Variants in SLC12A5 observed in about 807,000 individuals in gnomAD.
The protein encoded by SLC12A5 is K-Cl cotransporter 2.
SLC12A5 carries 18 observed loss-of-function variants against 124.0 expected under a neutral mutation model. The observed-to-expected ratio is 0.15, with a 90% CI of 0.10 to 0.22. The LOEUF (loss-of-function observed/expected upper bound fraction) is 0.22, where lower values mean the gene tolerates loss of function less well. Among genes scored for constraint, SLC12A5 ranks in the 10% least tolerant of loss-of-function variants. The pLI is 1.00. For missense variants in SLC12A5, 867 were observed against 1,478.7 expected (o/e 0.59, Z 6.78); for synonymous variants, 589 against 568.0 (o/e 1.04, Z -0.53).
In SLC12A5 at chr20:46,043,302, A is replaced by G. The variant is rs755510484; in HGVS notation, c.1216A>G (p.Ile406Val). The change falls in exon 9 of 26, where the codon ATC becomes GTC. Residue 406 changes from isoleucine to valine, a missense_variant. Physicochemically the swap from Ile to Val is conservative, Grantham distance 29. Transcript: ENST00000243964. ...MTSYFTLLVG[I>V]YFPSVTGIMA... ...CTCCTACTTCACCCTGCTGGTTGGCATCTACTTCCCCTCAGTCACAGGTGA... is the reference window on the plus strand; with the variant it reads ...CTCCTACTTCACCCTGCTGGTTGGCGTCTACTTCCCCTCAGTCACAGGTGA... 3.7e-6 allele frequency: 6 copies of G among 1,613,928 alleles called. No individual in the cohort carries two copies. In the African/African-American group the frequency reaches 4.0e-5, roughly 11 times the overall value.
intron 1 of SLC12A5, chr20:46,022,116 G>T: frequency 2.9e-6 from 1 of 345,448 alleles, no homozygotes; most frequent in Non-Finnish European, 5.0e-6. Context: ...GGCCACGAGG[G>T]AAAGGGGTGG....
At chr20:46,027,475 AC>A (rs936841471), upstream of SLC12A5, among the ~76,000 whole-genome samples, 2 of 151,816 alleles carry the variant, frequency 1.3e-5, no homozygotes, top group African/African-American at 4.8e-5. Flanking sequence ...CCTGTCCTAT[AC>A]CCCGGTCTCC....
In SLC12A5 at chr20:46,035,551, G is replaced by A. The variant is rs1345755078; in HGVS notation, c.279+16G>A. 1.4e-6 allele frequency: 2 copies of A among 1,396,410 alleles called. No individual in the cohort carries two copies. The highest frequency in any genetic ancestry group is 2.0e-6 in the Non-Finnish European group (2 of 1,018,876). 86.5% of individuals were successfully genotyped at this position (1,396,410 alleles called of 1,614,324 possible). On this transcript the variant is annotated intron_variant, in intron 3 of 25. Coordinates refer to ENST00000243964, the MANE Select transcript of SLC12A5 (RefSeq NM_020708.5). ...GCCGGTGCAGGTGAGGACCTCGGGG[G>A]ATGAGAAATGGAAGAAAAGGGACGG...
At chr20:46,022,734 C>G (rs1323272090) in intron 1 of SLC12A5, 1 of 398,254 alleles carries the variant, frequency 2.5e-6, no homozygotes, top group Admixed American at 4.4e-5. Flanking sequence ...CCTCGCGGGC[C>G]CTGTGCAGGG....
chr20:46,056,547 C>T lies in SLC12A5; in HGVS notation c.3093C>T (p.Asp1031=). ...CTGTCTCCTCTGAGGGCATCAAGGA[C>T]TTCTTCAGCATGAAGCCGTACGGGC... ...PSPVSSEGIK[D]FFSMKPEWEN... The change falls in exon 23 of 26, where the codon GAC becomes GAT. Residue 1031 remains aspartate (D), a synonymous_variant. Transcript: ENST00000243964. The surrounding 1 kb of genome is among the most constrained non-coding windows in gnomAD (Gnocchi z 4.3). The T allele has an allele frequency of 1.2e-6, 2 of 1,614,044 alleles. No individual in the cohort carries two copies. Among genetic ancestry groups the T allele is most frequent in the South Asian group, 1.1e-5 (1 of 91,080 alleles).
At chr20:46,043,772 G>T in intron 10 of SLC12A5, 41 bp downstream of exon 10, 1 of 1,613,326 alleles carries the variant, frequency 6.2e-7, no homozygotes, top group South Asian at 1.1e-5. Flanking sequence ...TCGGGGGAGG[G>T]CAAGAGGGAG....
chr20:46,059,359 C>T lies in SLC12A5; in HGVS notation c.*1754C>T, dbSNP rs1231364867. On this transcript the variant is annotated 3_prime_UTR_variant, in exon 26 of 26. Transcript: ENST00000243964. ...GGTAGGTTTGGAGGTCTGCCAGTTA[C>T]ACCAAGTCCCCTCTGAGATTCGATC... is the stretch of plus-strand genomic sequence containing the variant. The T allele has an allele frequency of 1.0e-5, 4 of 386,740 alleles. No individual in the cohort carries two copies. The highest frequency in any genetic ancestry group is 1.8e-5 in the Non-Finnish European group (4 of 219,232). 24.0% of individuals were successfully genotyped at this position (386,740 alleles called of 1,614,324 possible). A position where few individuals can be genotyped will look rare whatever the true frequency, so the allele number is the denominator to read the frequency against.
In SLC12A5 at chr20:46,056,456, C is replaced by T. The variant is rs749426883; in HGVS notation, c.3002C>T (p.Pro1001Leu). ...CCTGAGGGGGAAGGGGAGACAGATC[C>T]GGAGAAGGTGCATCTCACCTGGACC... is the stretch of plus-strand genomic sequence containing the variant. Reference protein sequence around the residue: ...EEPEGEGETDPEKVHLTWTKD... With the variant: ...EEPEGEGETDLEKVHLTWTKD... Residue 1001 changes from proline to leucine, a missense_variant, in exon 23 of 26, where the codon CCG becomes CTG. Coordinates refer to ENST00000243964, the MANE Select transcript of SLC12A5 (RefSeq NM_020708.5). The surrounding 1 kb of genome is among the most constrained non-coding windows in gnomAD (Gnocchi z 4.3). 1.9e-6 allele frequency: 3 copies of T among 1,614,110 alleles called. No individual in the cohort carries two copies. Among genetic ancestry groups the T allele is most frequent in the African/African-American group, 1.3e-5 (1 of 75,032 alleles).
At position 46,037,715 on chromosome 20, in the gene SLC12A5, A is replaced by C. The variant is rs558472236; in HGVS notation, c.612+330A>C. Among the ~76,000 whole-genome samples the C allele has an allele frequency of 7.9e-5, 12 of 152,362 alleles. No individual in the cohort carries two copies. In the South Asian group the frequency reaches 2.5e-3, roughly 32 times the overall value. ...TACAAATGAGAAGCTCAGAGAGGTG[A>C]GATAACTTCCTCAAGGTCACTCAGC... On this transcript the variant is annotated intron_variant, in intron 6 of 25. Transcript: ENST00000243964.
Position 46,043,328 on chromosome 20 carries a change from A to C in SLC12A5, c.1237+5A>C. ...TCTACTTCCCCTCAGTCACAGGTGA[A>C]GGGGAGCTCAGAGAGGGAAGACTCT... On this transcript the variant is annotated splice_donor_5th_base_variant and intron_variant, in intron 9 of 25. Coordinates refer to ENST00000243964, the MANE Select transcript of SLC12A5 (RefSeq NM_020708.5). 1 of 1,613,208 alleles carries C rather than the reference A, an allele frequency of 6.2e-7. No homozygotes were observed. The highest frequency in any genetic ancestry group is 1.3e-5 in the African/African-American group (1 of 75,016).
Position 46,056,824 on chromosome 20 carries a change from C to A in SLC12A5, c.3111-73C>A. 1 of 1,509,984 alleles carries A rather than the reference C, an allele frequency of 6.6e-7. No individual in the cohort carries two copies. Among genetic ancestry groups the A allele is most frequent in the Non-Finnish European group, 9.2e-7 (1 of 1,087,654 alleles). 93.5% of individuals were successfully genotyped at this position (1,509,984 alleles called of 1,614,324 possible). On this transcript the variant is annotated intron_variant, in intron 23 of 25. Transcript: ENST00000243964. This position sits in a 1 kb window ranked among gnomAD's most constrained non-coding sequence, Gnocchi z 4.3. ...TCAGGGCAGATGACCATGGCCCAAG[C>A]CCCCAGTGTCTTCCTCTTTTTCTGA... is the stretch of plus-strand genomic sequence containing the variant.
chr20:46,029,545 T>A (rs1437615462), intron 1 of SLC12A5, 149 bp downstream of exon 1: 1 of 853,170 alleles, frequency 1.2e-6, no homozygotes, highest in Non-Finnish European at 1.8e-6. Context: ...GGAGCTCAGC[T>A]CCATTGGAAT....
intron 1 of SLC12A5, chr20:46,021,932 G>T: frequency 2.7e-6 from 4 of 1,467,836 alleles, no homozygotes; most frequent in Non-Finnish European, 2.7e-6. Flanking sequence ...GGCGGGACGA[G>T]GGGGAGGGGC....
In SLC12A5 at chr20:46,058,581, C is replaced by T. The variant is rs980164203; in HGVS notation, c.*976C>T. The T allele has an allele frequency of 2.5e-6, 1 of 399,220 alleles. No individual in the cohort carries two copies. The highest frequency in any genetic ancestry group is 2.1e-5 in the African/African-American group (1 of 48,764). The allele number at this position is 399,220 out of a possible 1,614,324, so 24.7% of individuals were successfully genotyped here. ...AAGAAACCGAGAGGCCCGCGCCCCA[C>T]CGAGGAAGCCCCGCCCCGGTGCCTT... On this transcript the variant is annotated 3_prime_UTR_variant, in exon 26 of 26. Coordinates refer to ENST00000243964, the MANE Select transcript of SLC12A5 (RefSeq NM_020708.5). The surrounding 1 kb of genome is among the most constrained non-coding windows in gnomAD (Gnocchi z 5.8).
chr20:46,047,724 A>G (rs2084608686), intron 15 of SLC12A5, 151 bp downstream of exon 15: 2 of 1,006,420 alleles, frequency 2.0e-6, no homozygotes, highest in African/African-American at 3.2e-5. Flanking sequence ...AGAGGGTGAT[A>G]TGGGATGACA....
chr20:46,032,221 G>T (rs1203678486), intron 1 of SLC12A5, among the ~76,000 whole-genome samples: 1 of 152,234 alleles, frequency 6.6e-6, no homozygotes, highest in Non-Finnish European at 1.5e-5. Flanking sequence ...ATGGAGACCG[G>T]CGCGGGGCCA....
At chr20:46,029,470 C>CG in intron 1 of SLC12A5, 74 bp downstream of exon 1, 1 of 1,462,812 alleles carries the variant, frequency 6.8e-7, no homozygotes, top group Non-Finnish European at 9.2e-7. Flanking sequence ...AGAGGCGGAG[C>CG]GGGGGCCACC....
At chr20:46,022,153 C>T in intron 1 of SLC12A5, 1 of 247,644 alleles carries the variant, frequency 4.0e-6, no homozygotes, top group Non-Finnish European at 7.0e-6. Context: ...TGGACGGAGG[C>T]GAAGGGGGCG....
rs1193985377 is a variant in SLC12A5, at chr20:46,059,497, C to T, written c.*1892C>T. 3 of 398,824 alleles carry T rather than the reference C, an allele frequency of 7.5e-6. No homozygotes were observed. Among genetic ancestry groups the T allele is most frequent in the Non-Finnish European group, 1.3e-5 (3 of 226,034 alleles). 24.7% of individuals were successfully genotyped at this position (398,824 alleles called of 1,614,324 possible). A position where few individuals can be genotyped will look rare whatever the true frequency, so the allele number is the denominator to read the frequency against. ...TCTGAACACCACAGCCAGGTCCTGCCTTCTGGGGGCCTGAATATTCCAGAG... is the reference window on the plus strand; with the variant it reads ...TCTGAACACCACAGCCAGGTCCTGCTTTCTGGGGGCCTGAATATTCCAGAG... On this transcript the variant is annotated 3_prime_UTR_variant, in exon 26 of 26. Coordinates refer to ENST00000243964, the MANE Select transcript of SLC12A5 (RefSeq NM_020708.5).
Sources: gnomAD v4.1 joint callset for allele counts (sites outside exome capture counted in the v4.1 genomes callset) on GRCh38, gnomAD v4.1.1 for gene constraint, Gnocchi (gnomAD v3.1) non-coding constraint, MANE v1.5 for transcripts, NCBI Gene and HGNC (gene_info 2026-07-23, HGNC 2026-07-21) for gene names.